Variants in KAZN observed in about 807,000 individuals in gnomAD.
KAZN encodes the protein kazrin.
A neutral mutation model predicts 87.4 loss-of-function variants in KAZN; 40 were observed. The observed-to-expected ratio is 0.46, with a 90% CI of 0.36 to 0.60. The LOEUF (loss-of-function observed/expected upper bound fraction) is 0.60. Among genes scored for constraint, KAZN ranks in the 20% least tolerant of loss-of-function variants. KAZN has a pLI of 0.00. For missense variants in KAZN, 898 were observed against 1,073.9 expected (o/e 0.84, Z 2.29); for synonymous variants, 466 against 458.3 (o/e 1.02, Z -0.22).
At chr1:14,227,291 A>G (rs1364834934) in intron 2 of KAZN, among the ~76,000 whole-genome samples, 4 of 152,086 alleles carry the variant, frequency 2.6e-5, no homozygotes, top group East Asian at 3.9e-4. Context: ...TTTGGATCCT[A>G]TGGGTCAGGA....
At chr1:14,615,628 A>G (rs1253683497) in intron 1 of KAZN, among the ~76,000 whole-genome samples, 1 of 151,200 alleles carries the variant, frequency 6.6e-6, no homozygotes, top group East Asian at 1.9e-4. Context: ...TCCATCTCAA[A>G]AAAAAAAAAA....
At chr1:13,902,403 A>G (rs905793381) in intron 1 of KAZN, among the ~76,000 whole-genome samples, 2 of 152,220 alleles carry the variant, frequency 1.3e-5, no homozygotes, top group African/African-American at 4.8e-5. Flanking sequence ...ATTCTTGGAC[A>G]TGTGTAGTCA....
chr1:14,714,541 G>C (rs970910136), intron 1 of KAZN, among the ~76,000 whole-genome samples: 1 of 152,154 alleles, frequency 6.6e-6, no homozygotes, highest in Non-Finnish European at 1.5e-5. Context: ...TTTGTGGAGA[G>C]AGCAGACACC....
At chr1:14,757,344 G>A (rs1644598869) in intron 1 of KAZN, among the ~76,000 whole-genome samples, 1 of 152,166 alleles carries the variant, frequency 6.6e-6, no homozygotes, top group South Asian at 2.1e-4. Flanking sequence ...GCTGAAGAAA[G>A]GCAGCTGGCT....
upstream of KAZN, among the ~76,000 whole-genome samples, chr1:14,598,498 C>T (rs1298597463): frequency 6.6e-6 from 1 of 152,120 alleles, no homozygotes. The surrounding 1 kb of genome is among the most constrained non-coding windows in gnomAD (Gnocchi z 4.2). Context: ...CCCTGCCCCT[C>T]GCCAGGGGCG....
chr1:14,306,093 T>C (rs1654904756), intron 2 of KAZN, among the ~76,000 whole-genome samples: 1 of 152,166 alleles, frequency 6.6e-6, no homozygotes, highest in Non-Finnish European at 1.5e-5. Flanking sequence ...GGCTGGCTGT[T>C]GTGGCCCTGG....
At chr1:14,513,133 C>T (rs1671004928) in intron 2 of KAZN, among the ~76,000 whole-genome samples, 1 of 152,244 alleles carries the variant, frequency 6.6e-6, no homozygotes, top group Non-Finnish European at 1.5e-5. Flanking sequence ...TCCAGGCACA[C>T]TCCCTTTGGC....
chr1:14,585,762 A>G (rs1675815460), intron 2 of KAZN, among the ~76,000 whole-genome samples: 1 of 152,220 alleles, frequency 6.6e-6, no homozygotes, highest in Non-Finnish European at 1.5e-5. Context: ...AAGGGGAATG[A>G]GGAGAGGGTG....
chr1:14,375,344 C>A (rs1362124977), intron 2 of KAZN, among the ~76,000 whole-genome samples: 1 of 152,088 alleles, frequency 6.6e-6, no homozygotes, highest in Non-Finnish European at 1.5e-5. Flanking sequence ...ATAAGTCAGT[C>A]CAACACAGAC....
chr1:14,238,082 C>T (rs1034286703), intron 2 of KAZN, among the ~76,000 whole-genome samples: 2 of 152,144 alleles, frequency 1.3e-5, no homozygotes, highest in Admixed American at 1.3e-4. Context: ...TACAATTCAG[C>T]CATTTGAAGT....
At chr1:14,681,185 G>A (rs1267161114) in intron 1 of KAZN, among the ~76,000 whole-genome samples, 1 of 152,150 alleles carries the variant, frequency 6.6e-6, no homozygotes, top group Non-Finnish European at 1.5e-5. Flanking sequence ...CCAACACTGG[G>A]GGTTACATCG....
At chr1:14,119,080 A>G (rs1166120239) in intron 1 of KAZN, among the ~76,000 whole-genome samples, 1 of 152,210 alleles carries the variant, frequency 6.6e-6, no homozygotes, top group Non-Finnish European at 1.5e-5. Context: ...TAGAGCCAGG[A>G]TTCTGAATCT....
intron 2 of KAZN, among the ~76,000 whole-genome samples, chr1:14,186,344 T>A (rs1646306694): frequency 6.6e-6 from 1 of 152,162 alleles, no homozygotes; most frequent in South Asian, 2.1e-4. Context: ...TAGGATTCCT[T>A]GGTTGTCAGC....
chr1:14,733,157 A>G (rs34172886), intron 1 of KAZN, among the ~76,000 whole-genome samples: 24,953 of 151,996 alleles, frequency 0.16, 2,099 homozygotes, highest in Non-Finnish European at 0.18. Context: ...TCAGCCCCAG[A>G]CTTTCTGACA....
intron 8 of KAZN, among the ~76,000 whole-genome samples, chr1:15,080,715 A>T (rs1220568403): frequency 3.3e-5 from 5 of 152,196 alleles, no homozygotes; most frequent in African/African-American, 7.2e-5. Context: ...ACATGTGCTG[A>T]TGGAGGCTCC....
intron 2 of KAZN, among the ~76,000 whole-genome samples, chr1:14,338,392 G>A (rs533378956): frequency 8.0e-4 from 122 of 151,814 alleles, no homozygotes; most frequent in Non-Finnish European, 1.5e-3. Context: ...CACTGAGGCA[G>A]GAGAATCGCT....
chr1:14,713,158 G>C (rs868671743), intron 1 of KAZN, among the ~76,000 whole-genome samples: 1 of 152,156 alleles, frequency 6.6e-6, no homozygotes, highest in Admixed American at 6.5e-5. Context: ...TGCTCTGTGT[G>C]TCTCTCCTCC....
chr1:14,918,708 ATATATATATATATATAT>A (rs1398441774), intron 1 of KAZN, among the ~76,000 whole-genome samples: 1 of 3,510 alleles, frequency 2.8e-4, no homozygotes. Flanking sequence ...AAAAAAAAAA[ATATATATATATATATAT>A]ATATATATAT....
At chr1:15,055,870 G>A (rs1041431760) in intron 4 of KAZN, among the ~76,000 whole-genome samples, 1 of 152,214 alleles carries the variant, frequency 6.6e-6, no homozygotes, top group Non-Finnish European at 1.5e-5. Flanking sequence ...ACCTCTCCGT[G>A]CCTTCGCGCC....
Sources: gnomAD v4.1 joint callset for allele counts (sites outside exome capture counted in the v4.1 genomes callset) on GRCh38, gnomAD v4.1.1 for gene constraint, Gnocchi (gnomAD v3.1) non-coding constraint, MANE v1.5 for transcripts, NCBI Gene and HGNC (gene_info 2026-07-23, HGNC 2026-07-21) for gene names.